Variants in ASB11 observed in about 807,000 individuals in gnomAD.
ASB11 encodes the protein ankyrin repeat and SOCS box containing 11.
Under a neutral mutation model 20.1 loss-of-function variants are expected in ASB11, and 17 were observed. That is an observed-to-expected ratio of 0.85 (90% CI 0.58 to 1.27). The LOEUF is 1.27. ASB11 is among the 50% of genes most tolerant of loss of function. The pLI, the probability that ASB11 is intolerant of heterozygous loss-of-function variation, is 0.00. For synonymous variants in ASB11, 107 were observed against 105.6 expected (o/e 1.01, Z -0.08); for missense variants, 259 against 256.9 (o/e 1.01, Z -0.06).
At chrX:15,290,651 G>C (rs1037908141) in intron 4 of ASB11, among the ~76,000 whole-genome samples, 18 of 111,720 alleles carry the variant, frequency 1.6e-4, no homozygotes, top group Admixed American at 1.5e-3. Flanking sequence ...CTTGCAAAGA[G>C]TTAGTTCTCT....
At chrX:15,297,153 G>A (rs1351101451) in intron 3 of ASB11, among the ~76,000 whole-genome samples, 1 of 112,192 alleles carries the variant, frequency 8.9e-6, no homozygotes, top group Non-Finnish European at 1.9e-5. Context: ...TTAGCCGGGC[G>A]TGGCGGCGTG....
At chrX:15,288,112 A>C in intron 5 of ASB11, 40 bp from the exon 6 acceptor site, 1 of 1,144,541 alleles carries the variant, frequency 8.7e-7, no homozygotes. Context: ...ACTAAATGTA[A>C]TGTAAAGCAC....
At chrX:15,296,047 G>T (rs767870189) in intron 3 of ASB11, among the ~76,000 whole-genome samples, 4 of 112,191 alleles carry the variant, frequency 3.6e-5, no homozygotes, top group African/African-American at 1.3e-4. Context: ...TCTGAAACCA[G>T]CATCGCTGGT....
chrX:15,289,793 A>T (rs907490176), intron 4 of ASB11, among the ~76,000 whole-genome samples, 155 bp from the exon 5 acceptor site: 1 of 111,458 alleles, frequency 9.0e-6, no homozygotes, highest in Non-Finnish European at 1.9e-5. Flanking sequence ...GGAGGCTGAG[A>T]CCGGCGGATT....
At chrX:15,299,497 G>A (rs1398349595) in intron 2 of ASB11, among the ~76,000 whole-genome samples, 1 of 111,709 alleles carries the variant, frequency 9.0e-6, no homozygotes. Flanking sequence ...TCATGTGGAT[G>A]AAGCCTCCAG....
chrX:15,293,111 T>G (rs1927572658), intron 4 of ASB11, 59 bp downstream of exon 4: 1 of 1,164,013 alleles, frequency 8.6e-7, no homozygotes, highest in Admixed American at 2.4e-5. Flanking sequence ...AGACCATTGA[T>G]TCATACAGAT....
At chrX:15,298,382 C>A (rs1432551561) in intron 2 of ASB11, among the ~76,000 whole-genome samples, 1 of 110,638 alleles carries the variant, frequency 9.0e-6, no homozygotes, top group Non-Finnish European at 1.9e-5. Context: ...GGGCCACAGT[C>A]GGATTTCTGG....
chrX:15,305,755 A>G (rs1406222692), intron 1 of ASB11, among the ~76,000 whole-genome samples: 2 of 111,015 alleles, frequency 1.8e-5, no homozygotes, highest in Non-Finnish European at 3.8e-5. Flanking sequence ...GACATCATCA[A>G]TTTTATGTTT....
At chrX:15,298,907 G>A (rs929120169) in intron 2 of ASB11, among the ~76,000 whole-genome samples, 1 of 111,289 alleles carries the variant, frequency 9.0e-6, no homozygotes, top group Non-Finnish European at 1.9e-5. Context: ...CGGGGCCAGC[G>A]GACTTCTCCT....
intron 3 of ASB11, among the ~76,000 whole-genome samples, chrX:15,294,001 G>A (rs1022940808): frequency 9.1e-5 from 10 of 109,535 alleles, no homozygotes; most frequent in Non-Finnish European, 1.9e-4. Flanking sequence ...TTGTGCACAT[G>A]TACTCTAAAA....
chrX:15,313,765 C>T (rs1263874192), intron 1 of ASB11, among the ~76,000 whole-genome samples: 1 of 110,817 alleles, frequency 9.0e-6, no homozygotes, highest in Non-Finnish European at 1.9e-5. Flanking sequence ...TAAGAGTGCA[C>T]TTGAGGCCGG....
In ASB11 at chrX:15,287,925, G is replaced by A. The variant is rs1191192661; in HGVS notation, c.803C>T (p.Ala268Val). 8 of 1,210,644 alleles carry A rather than the reference G, an allele frequency of 6.6e-6. No individual in the cohort carries two copies. In the East Asian group the frequency reaches 8.9e-5, roughly 13 times the overall value. Reference protein sequence around the residue: ...NAQGKSALDLAAPKSSVEQAL... With the variant: ...NAQGKSALDLVAPKSSVEQAL... ...CTGCTCCACGCTGCTTTTTGGAGCC[G>A]CCAGATCAAGCGCACTTTTGCCCTG... Residue 268 changes from alanine to valine, a missense_variant, in exon 6 of 7, where the codon GCG (alanine) becomes GTG (valine). Ala to Val is a moderately conservative substitution (Grantham distance 64). Coordinates refer to ENST00000480796, the MANE Select transcript of ASB11 (RefSeq NM_080873.3).
intron 3 of ASB11, among the ~76,000 whole-genome samples, chrX:15,295,481 T>A (rs1034098751): frequency 2.7e-5 from 3 of 111,782 alleles, no homozygotes; most frequent in African/African-American, 9.7e-5. Context: ...ATGAAAGAAA[T>A]AAGATGACTC....
chrX:15,287,859 T>A, intron 6 of ASB11, 22 bp downstream of exon 6: 1 of 1,181,395 alleles, frequency 8.5e-7, no homozygotes, highest in Non-Finnish European at 1.1e-6. Context: ...GGAAGAGGAA[T>A]GGATACCCAG....
At chrX:15,312,021 G>A (rs1921444055) in intron 1 of ASB11, among the ~76,000 whole-genome samples, 1 of 109,804 alleles carries the variant, frequency 9.1e-6, no homozygotes, top group Non-Finnish European at 1.9e-5. Context: ...TGATCAATCT[G>A]TATCTACACT....
At chrX:15,303,821 G>A (rs898131245) in intron 1 of ASB11, among the ~76,000 whole-genome samples, 1 of 112,220 alleles carries the variant, frequency 8.9e-6, no homozygotes, top group African/African-American at 3.2e-5. Context: ...TAAGTGCTCC[G>A]GACATTGTAT....
chrX:15,287,358 G>C (rs953260964), intron 6 of ASB11, among the ~76,000 whole-genome samples: 1 of 112,842 alleles, frequency 8.9e-6, no homozygotes, highest in Non-Finnish European at 1.9e-5. Flanking sequence ...ACGGAGTCTC[G>C]CTCTGTCACC....
rs905888719 is a variant in ASB11, at chrX:15,299,119, G to A, written c.262-1438C>T. 1.3e-4 allele frequency among the ~76,000 whole-genome samples: 14 copies of A among 111,890 alleles called. 1 individual carries two copies. Among genetic ancestry groups the A allele is most frequent in the Admixed American group, 1.1e-3 (12 of 10,502 alleles). On this transcript the variant is annotated intron_variant, in intron 2 of 6. Transcript: ENST00000480796. ...CCATTTCCCTCCCTCTGATGATCAC[G>A]TTCTATCTGCAAAAGTGTTGACAAA...
Position 15,283,516 on chromosome X carries a change from G to A in ASB11, c.961C>T (p.Leu321=), listed in dbSNP as rs1214799150. The stretch of plus-strand genomic sequence containing the variant: ...AGGAACACTTAGGACTATTGGTATA[G>A]GAGGAATCGTTCGAGTGGCTCTGGC... ...HLPEPLERFL[L]YQ is the part of the protein sequence containing the mutation. Residue 321 remains leucine, a synonymous_variant, in exon 7 of 7, where the codon CTA becomes TTA. Transcript: ENST00000480796. 8.3e-7 allele frequency: 1 copy of A among 1,211,421 alleles called. No homozygotes were observed. The highest frequency in any genetic ancestry group is 2.2e-5 in the Admixed American group (1 of 46,013).
Sources: gnomAD v4.1 joint callset for allele counts (sites outside exome capture counted in the v4.1 genomes callset) on GRCh38, gnomAD v4.1.1 for gene constraint, MANE v1.5 for transcripts, NCBI Gene and HGNC (gene_info 2026-07-23, HGNC 2026-07-21) for gene names.